Variants in SRGAP2 observed in about 807,000 individuals in gnomAD.
SRGAP2 encodes the protein SLIT-ROBO Rho GTPase-activating protein 2.
In SRGAP2, 15 loss-of-function variants were observed where a neutral mutation model predicts 57.2. The observed-to-expected ratio is 0.26, with a 90% CI of 0.18 to 0.40. SRGAP2 has a LOEUF of 0.40. Ranked by LOEUF, SRGAP2 falls within the 10% of genes least tolerant of loss-of-function variation. SRGAP2 has a pLI of 1.00. For missense variants in SRGAP2, 520 were observed against 669.6 expected (o/e 0.78, Z 2.47); for synonymous variants, 249 against 248.0 (o/e 1.00, Z -0.04).
At chr1:206,394,038 C>CTTTTT (rs577375533) in intron 7 of SRGAP2, among the ~76,000 whole-genome samples, 4 of 49,904 alleles carry the variant, frequency 8.0e-5, no homozygotes, top group African/African-American at 2.7e-4. Context: ...TACTTTCTTC[C>CTTTTT]TTTTTTTTTT....
intron 2 of SRGAP2, among the ~76,000 whole-genome samples, chr1:206,268,183 C>T (rs1343448719): frequency 2.7e-5 from 4 of 150,518 alleles, no homozygotes; most frequent in African/African-American, 4.9e-5. Flanking sequence ...TGTGCTGCAC[C>T]CATTAACTCT....
chr1:206,460,388 C>T (rs1335934425), intron 22 of SRGAP2, among the ~76,000 whole-genome samples: 3 of 152,140 alleles, frequency 2.0e-5, no homozygotes, highest in African/African-American at 7.2e-5. Context: ...CCTATGTGGG[C>T]TTTGGCTCCC....
chr1:206,454,471 C>T lies in SRGAP2; in HGVS notation c.2361-407C>T. 2.1e-6 allele frequency: 1 copy of T among 475,794 alleles called. No homozygotes were observed. Among genetic ancestry groups the T allele is most frequent in the East Asian group, 3.6e-5 (1 of 27,862 alleles). 29.5% of individuals were successfully genotyped at this position (475,794 alleles called of 1,614,324 possible). ...GACGCCGCCGTCTCCAGAGCCACCA[C>T]ACAGTTGACTGTCCTTACCCGGCAG... On this transcript the variant is annotated intron_variant, in intron 20 of 22. Coordinates refer to ENST00000573034, the MANE Select transcript of SRGAP2 (RefSeq NM_015326.5). This position sits in a 1 kb window ranked among gnomAD's most constrained non-coding sequence, Gnocchi z 4.3.
intron 2 of SRGAP2, among the ~76,000 whole-genome samples, chr1:206,244,273 C>CTT (rs1159749633): frequency 1.3e-5 from 1 of 77,624 alleles, no homozygotes; most frequent in Non-Finnish European, 2.6e-5. Flanking sequence ...TGTTTTAAAT[C>CTT]TTTTTTTTTT....
Position 206,461,900 on chromosome 1 carries a change from T to TACACACACACAC in SRGAP2, c.*498_*509dup, listed in dbSNP as rs3833477. ...ACATATTTTACACACACACACATTTTACACACACACACACACACACACACA... is the reference window on the plus strand; with the variant it reads ...ACATATTTTACACACACACACATTTTACACACACACACACACACACACACACACACACACACA... On this transcript the variant is annotated 3_prime_UTR_variant, in exon 23 of 23. Transcript: ENST00000573034. 41 of 151,652 alleles carry TACACACACACAC rather than the reference T, an allele frequency of 2.7e-4. No homozygotes were observed. The highest frequency in any genetic ancestry group is 9.5e-4 in the African/African-American group (39 of 40,948). 9.4% of individuals were successfully genotyped at this position (151,652 alleles called of 1,614,324 possible).
chr1:206,340,523 C>G (rs1399005552), intron 3 of SRGAP2, among the ~76,000 whole-genome samples: 2 of 152,094 alleles, frequency 1.3e-5, no homozygotes, highest in Non-Finnish European at 2.9e-5. Context: ...ATAGACCCCC[C>G]CCAATCCATC....
rs1664259888 is a variant in SRGAP2 at position 206,461,422 on chromosome 1, G to C, written c.*2G>C. 4.0e-6 allele frequency: 3 copies of C among 749,874 alleles called. No individual in the cohort carries two copies. Among genetic ancestry groups the C allele is most frequent in the Non-Finnish European group, 7.5e-6 (3 of 399,746 alleles). The allele number at this position is 749,874 out of a possible 1,614,324, so 46.5% of individuals were successfully genotyped here. On this transcript the variant is annotated 3_prime_UTR_variant, in exon 23 of 23. Coordinates refer to ENST00000573034, the MANE Select transcript of SRGAP2 (RefSeq NM_015326.5). ...ACTGACAAGTCTTGTACTGTCTGAG[G>C]GATAATAATTTAATTGTTCTAGACA...
intron 18 of SRGAP2, 56 bp from the exon 19 acceptor site, chr1:206,450,330 G>A (rs369845563): frequency 3.9e-5 from 30 of 770,700 alleles, no homozygotes; most frequent in African/African-American, 1.7e-4. Context: ...TGAAGGGGAA[G>A]ACAAGAATTT....
At chr1:206,372,205 AGGGAAAT>A (rs1466978143) in intron 4 of SRGAP2, among the ~76,000 whole-genome samples, 3 of 38,746 alleles carry the variant, frequency 7.7e-5, no homozygotes, top group Non-Finnish European at 3.8e-5. Context: ...GGGTGGGGGT[AGGGAAAT>A]GGGTTTAAAG....
intron 4 of SRGAP2, among the ~76,000 whole-genome samples, chr1:206,377,163 A>G (rs1248606883): frequency 6.6e-6 from 1 of 152,220 alleles, no homozygotes; most frequent in Non-Finnish European, 1.5e-5. Flanking sequence ...TTCAAAAACT[A>G]TTCATATTCC....
At chr1:206,259,812 GGT>G (rs1553313183) in intron 2 of SRGAP2, among the ~76,000 whole-genome samples, 1 of 136,850 alleles carries the variant, frequency 7.3e-6, no homozygotes, top group African/African-American at 2.7e-5. Context: ...AAATATTGTG[GGT>G]TCTTTTAACC....
chr1:206,237,301 A>G (rs1293111265), intron 2 of SRGAP2, among the ~76,000 whole-genome samples: 1 of 152,166 alleles, frequency 6.6e-6, no homozygotes, highest in Non-Finnish European at 1.5e-5. Context: ...GAGGGGGGAA[A>G]AAAAAGTGAA....
chr1:206,342,045 C>T (rs1382070923), intron 3 of SRGAP2, among the ~76,000 whole-genome samples: 4 of 152,102 alleles, frequency 2.6e-5, no homozygotes, highest in African/African-American at 7.2e-5. Context: ...TACTGCTCCA[C>T]TCAAGCTGTA....
intron 22 of SRGAP2, 115 bp downstream of exon 22, chr1:206,459,062 A>G: frequency 1.6e-6 from 1 of 626,028 alleles, no homozygotes. Context: ...TATGTGATAT[A>G]CTGAGTATAT....
intron 4 of SRGAP2, among the ~76,000 whole-genome samples, chr1:206,347,120 A>C (rs1394240613): frequency 6.8e-6 from 1 of 148,064 alleles, no homozygotes; most frequent in East Asian, 2.0e-4. Context: ...GCATGGTGGT[A>C]CACACCTGTA....
chr1:206,401,722 T>G, intron 8 of SRGAP2, 77 bp downstream of exon 8: 1 of 633,444 alleles, frequency 1.6e-6, no homozygotes, highest in Non-Finnish European at 2.8e-6. Context: ...AGAAGGCACA[T>G]TATTCTGGGG....
At chr1:206,422,390 A>T (rs1167925769) in intron 13 of SRGAP2, among the ~76,000 whole-genome samples, 2 of 152,214 alleles carry the variant, frequency 1.3e-5, no homozygotes, top group African/African-American at 2.4e-5. Flanking sequence ...TTTAAATTAT[A>T]AAAATTTAAT....
At chr1:206,440,452 GC>G (rs1553371640) in intron 17 of SRGAP2, among the ~76,000 whole-genome samples, 1 of 152,154 alleles carries the variant, frequency 6.6e-6, no homozygotes, top group East Asian at 1.9e-4. Context: ...ACAAGCAGCA[GC>G]CCAGAGGAGG....
intron 2 of SRGAP2, among the ~76,000 whole-genome samples, chr1:206,292,945 G>A (rs1251640356): frequency 6.6e-6 from 1 of 151,484 alleles, no homozygotes; most frequent in Non-Finnish European, 1.5e-5. Flanking sequence ...CACTGGTAAC[G>A]AATAGGTGCT....
Sources: allele counts gnomAD v4.1 joint callset (sites outside exome capture counted in the v4.1 genomes callset), GRCh38; gene constraint gnomAD v4.1.1; non-coding constraint Gnocchi (gnomAD v3.1); transcripts MANE v1.5; gene names NCBI Gene and HGNC (gene_info 2026-07-23, HGNC 2026-07-21).